The following NRXN1 variants were observed in gnomAD, a reference collection of about 807,000 sequenced individuals.
The protein encoded by NRXN1 is neurexin-1.
In NRXN1, 39 loss-of-function variants were observed where a neutral mutation model predicts 150.9. The ratio of observed to expected loss-of-function variants is 0.26; its 90% confidence interval spans 0.20 to 0.34. The LOEUF is 0.34. Ranked by LOEUF, NRXN1 falls within the 10% of genes least tolerant of loss-of-function variation. The pLI, the probability that NRXN1 is intolerant of heterozygous loss-of-function variation, is 1.00. For missense variants in NRXN1, 1,815 were observed against 1,949.9 expected (o/e 0.93, Z 1.30); for synonymous variants, 924 against 757.0 (o/e 1.22, Z -3.62).
rs200926993 is a variant in NRXN1, at chr2:50,346,773, G to T, written c.3365-109803C>A. ...GCTTGCTGCTGCCATGGAAATGGTG[G>T]ATGTGGTGCGCTCCCAAACTGGATG... is the stretch of plus-strand genomic sequence containing the variant. On this transcript the variant is annotated intron_variant, in intron 17 of 22. Transcript: ENST00000401669. The surrounding 1 kb of genome is among the most constrained non-coding windows in gnomAD (Gnocchi z 5.0). The T allele has an allele frequency of 5.6e-6, 9 of 1,613,852 alleles. No homozygotes were observed. Among genetic ancestry groups the T allele is most frequent in the Non-Finnish European group, 7.6e-6 (9 of 1,179,978 alleles).
chr2:50,718,468 C>A (rs900471577), intron 5 of NRXN1, among the ~76,000 whole-genome samples: 1 of 152,054 alleles, frequency 6.6e-6, no homozygotes, highest in Admixed American at 6.5e-5. Context: ...ATATTTAATC[C>A]CCCAAAACAA....
chr2:50,355,437 A>G (rs1425863211), intron 17 of NRXN1, among the ~76,000 whole-genome samples: 1 of 151,948 alleles, frequency 6.6e-6, no homozygotes, highest in African/African-American at 2.4e-5. Flanking sequence ...AAGCCCTTTA[A>G]AATGTGCCTC....
intron 5 of NRXN1, among the ~76,000 whole-genome samples, chr2:50,821,398 CTTAATCCT>C (rs1336214046): frequency 4.6e-5 from 7 of 152,158 alleles, no homozygotes; most frequent in Admixed American, 4.6e-4. Context: ...ACACCCCTGG[CTTAATCCT>C]ACCACTTAGC....
intron 5 of NRXN1, among the ~76,000 whole-genome samples, chr2:50,675,460 C>G (rs999390984): frequency 2.0e-5 from 3 of 152,062 alleles, no homozygotes; most frequent in Admixed American, 6.6e-5. Flanking sequence ...CATGCTGTAT[C>G]AGGAAATCAA....
intron 17 of NRXN1, among the ~76,000 whole-genome samples, chr2:50,304,594 T>C (rs2074444570): frequency 6.6e-6 from 1 of 152,168 alleles, no homozygotes; most frequent in Non-Finnish European, 1.5e-5. Context: ...CCCTCCTTTT[T>C]ACTTGAACCC....
chr2:50,737,795 G>A (rs146835616), intron 5 of NRXN1, among the ~76,000 whole-genome samples: 10 of 152,018 alleles, frequency 6.6e-5, no homozygotes, highest in African/African-American at 1.7e-4. Context: ...GAATATGACC[G>A]AAGATTTCAT....
intron 18 of NRXN1, among the ~76,000 whole-genome samples, chr2:50,097,911 T>C (rs1700457463): frequency 1.3e-5 from 2 of 152,130 alleles, no homozygotes; most frequent in Non-Finnish European, 2.9e-5. Flanking sequence ...ACTGCTGGGA[T>C]TACACGTGTG....
intron 17 of NRXN1, among the ~76,000 whole-genome samples, chr2:50,444,748 A>T (rs2086255679): frequency 6.6e-6 from 1 of 152,190 alleles, no homozygotes; most frequent in African/African-American, 2.4e-5. Context: ...ATTTTAAATA[A>T]AGACAAGATC....
chr2:50,093,172 T>A (rs766757656), intron 18 of NRXN1, among the ~76,000 whole-genome samples: 1 of 152,196 alleles, frequency 6.6e-6, no homozygotes, highest in African/African-American at 2.4e-5. Context: ...TGAATTTTCA[T>A]TGGACTTTTG....
intron 5 of NRXN1, among the ~76,000 whole-genome samples, chr2:50,915,742 T>C (rs1685129431): frequency 6.6e-6 from 1 of 151,306 alleles, no homozygotes; most frequent in Non-Finnish European, 1.5e-5. Context: ...TCAATCGTTT[T>C]AAAATCATTT....
At chr2:50,481,846 A>G (rs1420892897) in intron 15 of NRXN1, among the ~76,000 whole-genome samples, 2 of 117,558 alleles carry the variant, frequency 1.7e-5, no homozygotes, top group South Asian at 2.5e-4. Flanking sequence ...GCTCACTGCA[A>G]GCTCCGCCTC....
At position 50,998,274 on chromosome 2, in the gene NRXN1, A is replaced by G. The variant is rs1021610548; in HGVS notation, c.772+29228T>C. ...TTACTCACAAAACACATGCATACAG[A>G]ATATAGTAATATCACATATTTTGCA... is the stretch of plus-strand genomic sequence containing the variant. On this transcript the variant is annotated intron_variant, in intron 2 of 22. Coordinates refer to ENST00000401669, the MANE Select transcript of NRXN1 (RefSeq NM_001330078.2). Among the ~76,000 whole-genome samples the G allele has an allele frequency of 2.8e-5, 4 of 141,644 alleles. 2 individuals carry two copies. The highest frequency in any genetic ancestry group is 1.2e-4 in the African/African-American group (4 of 33,762). 92.9% of individuals were successfully genotyped at this position (141,644 alleles called of 152,430 possible). A position where few individuals can be genotyped will look rare whatever the true frequency, so the allele number is the denominator to read the frequency against.
intron 17 of NRXN1, among the ~76,000 whole-genome samples, chr2:50,405,473 G>A (rs1289809867): frequency 6.6e-6 from 1 of 152,090 alleles, no homozygotes; most frequent in Non-Finnish European, 1.5e-5. Flanking sequence ...ATTAGGATTT[G>A]CTTAGCATAT....
chr2:50,739,971 C>G (rs1699237391), intron 5 of NRXN1, among the ~76,000 whole-genome samples: 1 of 152,192 alleles, frequency 6.6e-6, no homozygotes, highest in African/African-American at 2.4e-5. Flanking sequence ...GCACTGTCAT[C>G]AGTTGATGCT....
chr2:51,017,795 T>C (rs1043203398), intron 2 of NRXN1, among the ~76,000 whole-genome samples: 18 of 152,086 alleles, frequency 1.2e-4, no homozygotes, highest in Admixed American at 2.6e-4. Flanking sequence ...GCATCACGTA[T>C]AATTTTAAAT....
chr2:50,578,907 C>T (rs539289361), intron 8 of NRXN1, among the ~76,000 whole-genome samples: 2 of 152,160 alleles, frequency 1.3e-5, no homozygotes, highest in Admixed American at 6.5e-5. Context: ...CACGCCTCCC[C>T]CTACAACTTG....
At chr2:50,343,783 A>G (rs10206618) in intron 17 of NRXN1, among the ~76,000 whole-genome samples, 3,826 of 152,324 alleles carry the variant, frequency 0.025, 134 homozygotes, top group African/African-American at 0.087. Flanking sequence ...ACTCAATTTT[A>G]TTCCTTAAAC....
At chr2:50,674,323 G>C (rs1314437464) in intron 5 of NRXN1, among the ~76,000 whole-genome samples, 1 of 152,094 alleles carries the variant, frequency 6.6e-6, no homozygotes, top group Non-Finnish European at 1.5e-5. Context: ...ACTCCAAGTA[G>C]TCTGGACATC....
At chr2:50,899,576 A>T (rs568247223) in intron 5 of NRXN1, among the ~76,000 whole-genome samples, 125 of 152,250 alleles carry the variant, frequency 8.2e-4, no homozygotes, top group Non-Finnish European at 1.6e-3. Context: ...AAAATTTTTT[A>T]AAAAATTTAA....
Sources: gnomAD v4.1 joint callset for allele counts (sites outside exome capture counted in the v4.1 genomes callset) on GRCh38, gnomAD v4.1.1 for gene constraint, Gnocchi (gnomAD v3.1) non-coding constraint, MANE v1.5 for transcripts, NCBI Gene and HGNC (gene_info 2026-07-23, HGNC 2026-07-21) for gene names.